The following SPRED2 variants were observed in gnomAD, a reference collection of about 807,000 sequenced individuals.
The protein encoded by SPRED2 is sprouty-related, EVH1 domain-containing protein 2.
Under a neutral mutation model 43.0 loss-of-function variants are expected in SPRED2, and 47 were observed. The observed-to-expected ratio is 1.09, with a 90% CI of 0.87 to 1.40. The LOEUF is 1.40. Ranked by LOEUF, SPRED2 falls within the 40% of genes most tolerant of loss-of-function variation. The pLI, the probability that SPRED2 is intolerant of heterozygous loss-of-function variation, is 0.00. For missense variants in SPRED2, 561 were observed against 586.4 expected (o/e 0.96, Z 0.45); for synonymous variants, 225 against 225.7 (o/e 1.00, Z 0.03).
rs116586440 is a variant in SPRED2 at position 65,344,942 on chromosome 2, T to C, written c.27-46A>G. On this transcript the variant is annotated intron_variant, in intron 1 of 5. Coordinates refer to ENST00000356388, the MANE Select transcript of SPRED2 (RefSeq NM_181784.3). ...AGCACAGGGCATGACAATGGTCTGGTAGTTGCAGAACACGTTTCAAAATGC... is the reference window on the plus strand; with the variant it reads ...AGCACAGGGCATGACAATGGTCTGGCAGTTGCAGAACACGTTTCAAAATGC... The C allele has an allele frequency of 1.9e-3, 2,984 of 1,563,264 alleles. 66 individuals are homozygous for C. In the African/African-American group the frequency reaches 0.037, roughly 19 times the overall value.
In SPRED2 at chr2:65,312,585, C is replaced by T; in HGVS notation, c.*916G>A. 2 of 985,730 alleles carry T rather than the reference C, an allele frequency of 2.0e-6. No homozygotes were observed. The highest frequency in any genetic ancestry group is 2.4e-6 in the Non-Finnish European group (2 of 829,908). The allele number at this position is 985,730 out of a possible 1,614,324, so 61.1% of individuals were successfully genotyped here. On this transcript the variant is annotated 3_prime_UTR_variant, in exon 6 of 6. Transcript: ENST00000356388. ...GCAAAACAACAAGCAAAATTTCTTACTTCACTAGTATCCTATTCTAATATT... is the reference window on the plus strand; with the variant it reads ...GCAAAACAACAAGCAAAATTTCTTATTTCACTAGTATCCTATTCTAATATT...
chr2:65,389,045 C>A (rs1675571093), intron 1 of SPRED2, among the ~76,000 whole-genome samples: 1 of 152,152 alleles, frequency 6.6e-6, no homozygotes. Flanking sequence ...CTGCAGGACT[C>A]CTGCCTGTCC....
At chr2:65,310,660 C>T (rs918357202), downstream of SPRED2, among the ~76,000 whole-genome samples, 3 of 152,052 alleles carry the variant, frequency 2.0e-5, no homozygotes, top group African/African-American at 7.2e-5. Flanking sequence ...CATCCGAGCC[C>T]AAGGAGCTGC....
At position 65,388,368 on chromosome 2, in the gene SPRED2, C is replaced by T. The variant is rs540223002; in HGVS notation, c.27-43472G>A. ...CCAACAAATGACGGTGAGGTCATGC[C>T]AGCCCTAGGCGGCATGTGGGCAGGG... On this transcript the variant is annotated intron_variant, in intron 1 of 5. Transcript: ENST00000356388. Among the ~76,000 whole-genome samples the T allele has an allele frequency of 3.9e-5, 6 of 152,302 alleles. No homozygotes were observed. In the East Asian group the frequency reaches 9.7e-4, roughly 25 times the overall value.
Position 65,372,085 on chromosome 2 carries a change from GA to G in SPRED2, c.27-27190del, listed in dbSNP as rs757072122. 3.0e-3 allele frequency among the ~76,000 whole-genome samples: 434 copies of G among 143,274 alleles called. 3 individuals are homozygous for G. Among genetic ancestry groups the G allele is most frequent in the African/African-American group, 9.8e-3 (385 of 39,182 alleles). The allele number at this position is 143,274 out of a possible 152,430, so 94.0% of individuals were successfully genotyped here. On this transcript the variant is annotated intron_variant, in intron 1 of 5. Coordinates refer to ENST00000356388, the MANE Select transcript of SPRED2 (RefSeq NM_181784.3). ...GAGACTGTCTCAAAAAAGAAAGAAA[GA>G]AAAAAAAAAGGCTCTATAATGTAAG...
At chr2:65,310,504 CAT>C (rs1304927610), downstream of SPRED2, among the ~76,000 whole-genome samples, 40 of 144,458 alleles carry the variant, frequency 2.8e-4, no homozygotes, top group African/African-American at 8.6e-4. Flanking sequence ...CACACACACA[CAT>C]ATCCCTGAGG....
At chr2:65,365,921 G>A (rs527642783) in intron 1 of SPRED2, among the ~76,000 whole-genome samples, 1 of 152,068 alleles carries the variant, frequency 6.6e-6, no homozygotes, top group Non-Finnish European at 1.5e-5. Context: ...TGATCCTTCA[G>A]ATCATGTGAA....
intron 1 of SPRED2, among the ~76,000 whole-genome samples, chr2:65,358,617 A>G (rs76872566): frequency 6.6e-6 from 1 of 152,376 alleles, no homozygotes; most frequent in East Asian, 1.9e-4. Context: ...AAAGCAGCTC[A>G]GTGCACATCA....
intron 1 of SPRED2, among the ~76,000 whole-genome samples, chr2:65,385,597 G>T (rs572328485): frequency 1.2e-4 from 19 of 152,112 alleles, no homozygotes; most frequent in Non-Finnish European, 2.6e-4. Flanking sequence ...CTGATACAGC[G>T]GTGGGGAGAA....
chr2:65,322,294 A>ATATATT (rs1350932295), intron 4 of SPRED2, among the ~76,000 whole-genome samples: 21 of 64,932 alleles, frequency 3.2e-4, no homozygotes, highest in Non-Finnish European at 3.8e-4. Flanking sequence ...ATATATATAT[A>ATATATT]TTTTTTTTTT....
At chr2:65,398,026 G>A (rs1468895553) in intron 1 of SPRED2, among the ~76,000 whole-genome samples, 1 of 152,080 alleles carries the variant, frequency 6.6e-6, no homozygotes, top group Non-Finnish European at 1.5e-5. Context: ...GCATGGTAGT[G>A]GTATAAAAAT....
At chr2:65,332,847 T>C (rs1212458318) in intron 3 of SPRED2, among the ~76,000 whole-genome samples, 1 of 152,242 alleles carries the variant, frequency 6.6e-6, no homozygotes, top group Non-Finnish European at 1.5e-5. Context: ...CAATAATGCA[T>C]GGATCAACTT....
Position 65,344,770 on chromosome 2 carries a change from G to A in SPRED2, c.153C>T (p.Gly51=). The change falls in exon 2 of 6, where the codon GGC becomes GGT. Residue 51 remains glycine (G), a synonymous_variant. Coordinates refer to ENST00000356388, the MANE Select transcript of SPRED2 (RefSeq NM_181784.3). ...VGVCKVMHPE[G]NGRSGFLIHG... ...GGATGAGAAAGCCGCTTCGTCCATTGCCTTCGGGGTGCATGACCTTACAGA... is the reference window on the plus strand; with the variant it reads ...GGATGAGAAAGCCGCTTCGTCCATTACCTTCGGGGTGCATGACCTTACAGA... The A allele has an allele frequency of 6.2e-7, 1 of 1,614,114 alleles. No homozygotes were observed. Among genetic ancestry groups the A allele is most frequent in the African/African-American group, 1.3e-5 (1 of 75,038 alleles).
rs1673097393 is a variant in SPRED2, at chr2:65,312,501, TC to T, written c.*999del. The stretch of plus-strand genomic sequence containing the variant: ...TTTTATTCACCATAACCTTAGTGTT[TC>T]TCAACTGGAACTTGTTCGTGGGAAC... On this transcript the variant is annotated 3_prime_UTR_variant, in exon 6 of 6. Coordinates refer to ENST00000356388, the MANE Select transcript of SPRED2 (RefSeq NM_181784.3). 1.0e-6 allele frequency: 1 copy of T among 985,340 alleles called. No individual in the cohort carries two copies. Among genetic ancestry groups the T allele is most frequent in the South Asian group, 4.7e-5 (1 of 21,292 alleles). 61.0% of individuals were successfully genotyped at this position (985,340 alleles called of 1,614,324 possible). A position where few individuals can be genotyped will look rare whatever the true frequency, so the allele number is the denominator to read the frequency against.
chr2:65,415,811 C>T (rs1258789642), intron 1 of SPRED2, among the ~76,000 whole-genome samples: 4 of 152,080 alleles, frequency 2.6e-5, no homozygotes, highest in African/African-American at 9.7e-5. Context: ...ATTTGCTTCA[C>T]ATGTAACATC....
chr2:65,431,945 C>T lies in SPRED2; in HGVS notation c.26+17G>A, dbSNP rs760925443. 6.2e-7 allele frequency: 1 copy of T among 1,613,898 alleles called. No individual in the cohort carries two copies. The highest frequency in any genetic ancestry group is 8.5e-7 in the Non-Finnish European group (1 of 1,179,980). On this transcript the variant is annotated intron_variant, in intron 1 of 5. Transcript: ENST00000356388. ...CCCCTGAGGGGCACCCTCGTCCCAC[C>T]CCGCGACCAAACTTACTCGTCTGGG...
At chr2:65,388,108 C>T (rs981256290) in intron 1 of SPRED2, among the ~76,000 whole-genome samples, 1 of 152,234 alleles carries the variant, frequency 6.6e-6, no homozygotes, top group South Asian at 2.1e-4. Flanking sequence ...TTTCTAAAAA[C>T]CACCACGATG....
chr2:65,391,402 A>G (rs1675633008), intron 1 of SPRED2, among the ~76,000 whole-genome samples: 1 of 152,246 alleles, frequency 6.6e-6, no homozygotes, highest in East Asian at 1.9e-4. Flanking sequence ...ATTCTGGTGT[A>G]GTTCCCGAAA....
chr2:65,344,906 C>T lies in SPRED2; in HGVS notation c.27-10G>A, dbSNP rs1317219407. The T allele has an allele frequency of 1.2e-6, 2 of 1,610,206 alleles. No homozygotes were observed. The highest frequency in any genetic ancestry group is 4.5e-5 in the East Asian group (2 of 44,776). On this transcript the variant is annotated splice_polypyrimidine_tract_variant and intron_variant, in intron 1 of 5. Coordinates refer to ENST00000356388, the MANE Select transcript of SPRED2 (RefSeq NM_181784.3). ...CACAATATAGCTGTCACTAAAACGACAAGAAGAAGAAGCACAGGGCATGAC... is the reference window on the plus strand; with the variant it reads ...CACAATATAGCTGTCACTAAAACGATAAGAAGAAGAAGCACAGGGCATGAC...
Sources: allele counts gnomAD v4.1 joint callset (sites outside exome capture counted in the v4.1 genomes callset), GRCh38; gene constraint gnomAD v4.1.1; transcripts MANE v1.5; gene names NCBI Gene and HGNC (gene_info 2026-07-23, HGNC 2026-07-21).